Variants in KL observed in about 807,000 individuals in gnomAD.
KL encodes alpha-klotho.
A neutral mutation model predicts 84.2 loss-of-function variants in KL; 62 were observed. The observed-to-expected ratio is 0.74, with a 90% CI of 0.60 to 0.91. KL has a LOEUF of 0.91. Among genes scored for constraint, KL ranks in the 40% least tolerant of loss-of-function variants. KL has a pLI of 0.00. For synonymous variants in KL, 528 were observed against 528.0 expected, an observed-to-expected ratio of 1.00 and a Z score of 0.00; for missense variants, 1,261 against 1,305.7, an observed-to-expected ratio of 0.97 and a Z score of 0.53.
At chr13:33,054,906 CAAG>C in intron 2 of KL, 138 bp from the exon 3 acceptor site, 1 of 1,102,964 alleles carries the variant, frequency 9.1e-7, no homozygotes, top group East Asian at 2.5e-5. Flanking sequence ...AGTCTTTCGT[CAAG>C]AAGAAAAATC....
In KL at chr13:33,064,661, T is replaced by G. The variant is rs947455942; in HGVS notation, c.*475T>G. The G allele has an allele frequency of 1.3e-5, 3 of 235,914 alleles. No individual in the cohort carries two copies. The highest frequency in any genetic ancestry group is 2.5e-5 in the Non-Finnish European group (3 of 120,088). The allele number at this position is 235,914 out of a possible 1,614,324, so 14.6% of individuals were successfully genotyped here. On this transcript the variant is annotated 3_prime_UTR_variant, in exon 5 of 5. Transcript: ENST00000380099. Reference sequence around the variant, plus strand: ...GGCTTCCCCTCTGTCAAATCTAGTTTCCTATGGAAAAGAAGATGGCAGATA... The same window carrying G: ...GGCTTCCCCTCTGTCAAATCTAGTTGCCTATGGAAAAGAAGATGGCAGATA...
chr13:33,017,932 A>G (rs562020), intron 1 of KL, among the ~76,000 whole-genome samples: 104,280 of 152,156 alleles, frequency 0.69, 36,142 homozygotes, highest in East Asian at 0.79. Context: ...TACCACATCT[A>G]TATTTCCACA....
rs371816425 is a variant in KL, at chr13:33,061,798, C to T, written c.2701+18C>T. ...TCTCAAAGGTAAGGAGCCCTAGCTG[C>T]GGCTATCTCCTGAAGGTTATGTCAC... On this transcript the variant is annotated intron_variant, in intron 4 of 4. Coordinates refer to ENST00000380099, the MANE Select transcript of KL (RefSeq NM_004795.4). 239 of 1,610,878 alleles carry T rather than the reference C, an allele frequency of 1.5e-4. No individual in the cohort carries two copies. The highest frequency in any genetic ancestry group is 1.3e-3 in the South Asian group (121 of 91,040).
At chr13:33,057,943 G>T (rs943829791) in intron 3 of KL, among the ~76,000 whole-genome samples, 1 of 152,064 alleles carries the variant, frequency 6.6e-6, no homozygotes, top group African/African-American at 2.4e-5. Flanking sequence ...TTCCCTCCTG[G>T]CTAGTATTTC....
At chr13:33,020,183 T>C (rs1251945980) in intron 1 of KL, among the ~76,000 whole-genome samples, 1 of 152,208 alleles carries the variant, frequency 6.6e-6, no homozygotes, top group Non-Finnish European at 1.5e-5. Flanking sequence ...AATCTGGGCA[T>C]TGTTGAGCAT....
chr13:33,065,722 G>A lies in KL; in HGVS notation c.*1536G>A, dbSNP rs907141739. On this transcript the variant is annotated 3_prime_UTR_variant, in exon 5 of 5. Transcript: ENST00000380099. ...ATTATAAGAGTAATATATGTTCATT[G>A]TAAAAATTTTTAAAACACAGAAACT... 5 of 175,520 alleles carry A rather than the reference G, an allele frequency of 2.8e-5. No homozygotes were observed. Among genetic ancestry groups the A allele is most frequent in the African/African-American group, 1.2e-4 (5 of 42,152 alleles). The allele number at this position is 175,520 out of a possible 1,614,324, so 10.9% of individuals were successfully genotyped here.
intron 1 of KL, among the ~76,000 whole-genome samples, chr13:33,049,889 A>G (rs1871680472): frequency 6.6e-6 from 1 of 152,212 alleles, no homozygotes; most frequent in South Asian, 2.1e-4. Flanking sequence ...GATGGGTAAA[A>G]TGAAGTGAAT....
intron 1 of KL, among the ~76,000 whole-genome samples, chr13:33,040,104 G>T (rs1341204761): frequency 1.3e-5 from 2 of 152,122 alleles, no homozygotes; most frequent in Admixed American, 1.3e-4. Context: ...GAGACTACTG[G>T]CTATTTTTTG....
At chr13:33,023,744 C>A (rs1319251694) in intron 1 of KL, among the ~76,000 whole-genome samples, 1 of 152,012 alleles carries the variant, frequency 6.6e-6, no homozygotes, top group Non-Finnish European at 1.5e-5. Context: ...ATCCATGAAC[C>A]GGTATCATTA....
intron 1 of KL, among the ~76,000 whole-genome samples, chr13:33,019,128 CTG>C (rs71810303): frequency 0.036 from 5,498 of 152,174 alleles, 141 homozygotes; most frequent in Non-Finnish European, 0.055. Context: ...TGCAAACAAA[CTG>C]TTAGTTGGTG....
Position 33,054,290 on chromosome 13 carries a change from G to C in KL, c.1330+13G>C. On this transcript the variant is annotated intron_variant, in intron 2 of 4. Coordinates refer to ENST00000380099, the MANE Select transcript of KL (RefSeq NM_004795.4). ...GAAACCTTAAAAGGTATGATTGTGG[G>C]TAAAGTTCTCATTTCCTGCCAAAAT... is the stretch of plus-strand genomic sequence containing the variant. 6.2e-7 allele frequency: 1 copy of C among 1,611,162 alleles called. No homozygotes were observed. Among genetic ancestry groups the C allele is most frequent in the South Asian group, 1.1e-5 (1 of 90,856 alleles).
At position 33,058,495 on chromosome 13, in the gene KL, C is replaced by T. The variant is rs192268973; in HGVS notation, c.1600-2184C>T. On this transcript the variant is annotated intron_variant, in intron 3 of 4. Transcript: ENST00000380099. ...AGCTGGGGCTACAGGTGCCCGCCAC[C>T]GCACCCGGCTAATTTTTTGTATTTT... 5.4e-3 allele frequency among the ~76,000 whole-genome samples: 819 copies of T among 152,028 alleles called. 4 individuals are homozygous for T. Among genetic ancestry groups the T allele is most frequent in the Non-Finnish European group, 8.3e-3 (564 of 67,962 alleles).
At chr13:33,059,819 G>T (rs1872104509) in intron 3 of KL, among the ~76,000 whole-genome samples, 1 of 152,086 alleles carries the variant, frequency 6.6e-6, no homozygotes, top group Non-Finnish European at 1.5e-5. Flanking sequence ...GTTAAATTCT[G>T]TCACTGACCC....
At chr13:33,030,696 A>G (rs1870941920) in intron 1 of KL, among the ~76,000 whole-genome samples, 1 of 152,214 alleles carries the variant, frequency 6.6e-6, no homozygotes, top group African/African-American at 2.4e-5. Context: ...GGTGAAAGAC[A>G]TTTGAGGAAA....
intron 1 of KL, among the ~76,000 whole-genome samples, chr13:33,019,303 T>C (rs1045235546): frequency 2.6e-5 from 4 of 152,020 alleles, no homozygotes; most frequent in Non-Finnish European, 5.9e-5. Flanking sequence ...GGTGTGTATA[T>C]AGGGGTTGGG....
At chr13:33,049,700 G>T (rs1212154950) in intron 1 of KL, among the ~76,000 whole-genome samples, 3 of 152,166 alleles carry the variant, frequency 2.0e-5, no homozygotes, top group Non-Finnish European at 4.4e-5. Context: ...TGGATTTCAG[G>T]CAGAGACCAT....
intron 1 of KL, among the ~76,000 whole-genome samples, chr13:33,046,369 G>T (rs772720848): frequency 2.0e-5 from 3 of 152,100 alleles, no homozygotes; most frequent in African/African-American, 4.8e-5. Context: ...GGTAATGTGT[G>T]TGCTTCCGGG....
Position 33,016,763 on chromosome 13 carries a change from G to A in KL, c.323G>A (p.Ser108Asn), listed in dbSNP as rs149917934. The change falls in exon 1 of 5, where the codon AGT becomes AAT. Residue 108 changes from serine (S) to asparagine (N), a missense_variant. Physicochemically the swap from Ser to Asn is conservative, Grantham distance 46 (BLOSUM62 1). Transcript: ENST00000380099. Reference sequence around the variant, plus strand: ...CCCCCGGGAGACTCCCGGAACGCCAGTCTGCCGTTGGGCGCCCCGTCGCCG... The same window carrying A: ...CCCCCGGGAGACTCCCGGAACGCCAATCTGCCGTTGGGCGCCCCGTCGCCG... ...LAPPGDSRNA[S>N]LPLGAPSPLQ... 5.6e-6 allele frequency: 9 copies of A among 1,611,744 alleles called. No homozygotes were observed. In the African/African-American group the frequency reaches 1.2e-4, roughly 22 times the overall value.
At chr13:33,054,982 C>T in intron 2 of KL, 65 bp from the exon 3 acceptor site, 1 of 1,606,262 alleles carries the variant, frequency 6.2e-7, no homozygotes, top group Non-Finnish European at 8.5e-7. Flanking sequence ...CTCAGCTGCT[C>T]TTGAACCATG....
Sources: allele counts gnomAD v4.1 joint callset (sites outside exome capture counted in the v4.1 genomes callset), GRCh38; gene constraint gnomAD v4.1.1; transcripts MANE v1.5; gene names NCBI Gene and HGNC (gene_info 2026-07-23, HGNC 2026-07-21).